The following BLNK variants were observed in gnomAD, a reference collection of about 807,000 sequenced individuals.
The protein encoded by BLNK is B-cell linker protein.
Under a neutral mutation model 73.5 loss-of-function variants are expected in BLNK, and 29 were observed. That is an observed-to-expected ratio of 0.39 (90% CI 0.29 to 0.54). The LOEUF is 0.54. Ranked by LOEUF, BLNK falls within the 20% of genes least tolerant of loss-of-function variation. The probability of loss-of-function intolerance (pLI) is 0.61; values close to 1 mark genes in which losing one functional copy is unlikely to be tolerated. For synonymous variants in BLNK, 176 were observed against 200.8 expected, an observed-to-expected ratio of 0.88 and a Z score of 1.04; for missense variants, 460 against 562.8, an observed-to-expected ratio of 0.82 and a Z score of 1.85.
At chr10:96,240,926 A>G (rs1018984495) in intron 3 of BLNK, among the ~76,000 whole-genome samples, 1 of 152,250 alleles carries the variant, frequency 6.6e-6, no homozygotes, top group East Asian at 1.9e-4. Context: ...TTGTTCTCAT[A>G]TAACTAGGAA....
In BLNK at chr10:96,200,330, A is replaced by G. The variant is rs1241445250; in HGVS notation, c.1012-172T>C. Among the ~76,000 whole-genome samples the G allele has an allele frequency of 1.3e-5, 2 of 152,118 alleles. No homozygotes were observed. On this transcript the variant is annotated intron_variant, in intron 14 of 16. Coordinates refer to ENST00000224337, the MANE Select transcript of BLNK (RefSeq NM_013314.4). The surrounding 1 kb of genome is among the most constrained non-coding windows in gnomAD (Gnocchi z 4.3). ...GATCAAACACAAGGATTATACCGTT[A>G]ACTTGTTTTTTGTATTTTTTTTTCA...
intron 1 of BLNK, among the ~76,000 whole-genome samples, chr10:96,248,862 T>C (rs2134098444): frequency 6.6e-6 from 1 of 152,384 alleles, no homozygotes; most frequent in Admixed American, 6.5e-5. Flanking sequence ...AAAAGGGGAT[T>C]ATTACTTTAT....
intron 16 of BLNK, among the ~76,000 whole-genome samples, chr10:96,194,810 G>A (rs1554894305): frequency 8.2e-6 from 1 of 122,214 alleles, no homozygotes; most frequent in African/African-American, 3.0e-5. Context: ...TCGCTCTGTC[G>A]CCCAGGCTGG....
chr10:96,269,205 G>C (rs1473648979), intron 1 of BLNK, among the ~76,000 whole-genome samples: 1 of 152,180 alleles, frequency 6.6e-6, no homozygotes, highest in African/African-American at 2.4e-5. Context: ...GATGAGTGTA[G>C]TGTATGATTA....
intron 1 of BLNK, among the ~76,000 whole-genome samples, chr10:96,253,821 T>C (rs543176815): frequency 2.6e-4 from 40 of 151,844 alleles, no homozygotes; most frequent in Middle Eastern, 3.4e-3. Flanking sequence ...CGAGACCATC[T>C]TGGCTAACAC....
intron 1 of BLNK, among the ~76,000 whole-genome samples, chr10:96,264,851 G>T (rs1009652606): frequency 1.3e-5 from 2 of 152,106 alleles, no homozygotes; most frequent in Non-Finnish European, 1.5e-5. Flanking sequence ...ACAAGCAAAC[G>T]CATTTCATCT....
intron 4 of BLNK, among the ~76,000 whole-genome samples, chr10:96,229,654 C>CTCTGTGTG (rs1554903568): frequency 2.1e-5 from 3 of 142,666 alleles, no homozygotes; most frequent in African/African-American, 7.9e-5. Flanking sequence ...TTACATGTGG[C>CTCTGTGTG]TGTGTGTGTG....
At chr10:96,240,306 G>A (rs983470990) in intron 3 of BLNK, among the ~76,000 whole-genome samples, 7 of 152,184 alleles carry the variant, frequency 4.6e-5, no homozygotes, top group African/African-American at 1.2e-4. Context: ...GAAAATGTGC[G>A]AAACAGCTGA....
chr10:96,229,070 T>G (rs782437673), intron 4 of BLNK, among the ~76,000 whole-genome samples: 2 of 152,236 alleles, frequency 1.3e-5, no homozygotes, highest in African/African-American at 4.8e-5. Context: ...CATTCATTTT[T>G]TGTGTGTGTT....
At chr10:96,271,228 T>C (rs1253304480) in intron 1 of BLNK, 124 bp downstream of exon 1, 1 of 1,104,588 alleles carries the variant, frequency 9.1e-7, no homozygotes, top group Non-Finnish European at 1.4e-6. Context: ...CACTTCCCTA[T>C]AGTAAGTGCC....
rs186231485 is a variant in BLNK, at chr10:96,263,532, T to G, written c.47+7820A>C. Among the ~76,000 whole-genome samples the G allele has an allele frequency of 1.6e-3, 247 of 151,994 alleles. 1 individual carries two copies. Among genetic ancestry groups the G allele is most frequent in the African/African-American group, 5.5e-3 (228 of 41,570 alleles). On this transcript the variant is annotated intron_variant, in intron 1 of 16. Coordinates refer to ENST00000224337, the MANE Select transcript of BLNK (RefSeq NM_013314.4). ...GAGGGAAATGGTCTGTTTGGAGGCC[T>G]AGACCACAGTGCTGCAAAAGGGTTG...
intron 2 of BLNK, among the ~76,000 whole-genome samples, chr10:96,244,976 A>G (rs1450495643): frequency 6.6e-6 from 1 of 152,152 alleles, no homozygotes; most frequent in Non-Finnish European, 1.5e-5. Context: ...AAAACTGGCA[A>G]TTAGAATTGC....
At chr10:96,223,484 CA>C (rs1564828965) in intron 6 of BLNK, among the ~76,000 whole-genome samples, 1 of 151,990 alleles carries the variant, frequency 6.6e-6, no homozygotes. Context: ...GATTTGCTGT[CA>C]GTAACAACAG....
chr10:96,258,783 G>A (rs1205498343), intron 1 of BLNK, among the ~76,000 whole-genome samples: 10 of 152,186 alleles, frequency 6.6e-5, no homozygotes, highest in African/African-American at 2.4e-4. Flanking sequence ...TACGTGCTAG[G>A]TACTTTGTGT....
intron 5 of BLNK, among the ~76,000 whole-genome samples, chr10:96,224,206 A>G (rs868913524): frequency 2.0e-4 from 31 of 152,216 alleles, no homozygotes; most frequent in African/African-American, 7.2e-4. Context: ...GTCCTCATTA[A>G]AAACATCCTT....
At chr10:96,205,988 G>A (rs2083793417) in intron 11 of BLNK, among the ~76,000 whole-genome samples, 1 of 152,134 alleles carries the variant, frequency 6.6e-6, no homozygotes, top group African/African-American at 2.4e-5. Context: ...TGGAAGTACA[G>A]AAAAGACAAA....
At chr10:96,268,584 C>T (rs530980730) in intron 1 of BLNK, among the ~76,000 whole-genome samples, 108 of 152,300 alleles carry the variant, frequency 7.1e-4, no homozygotes, top group African/African-American at 2.4e-3. Context: ...TATCTCTATT[C>T]TTATACAGCA....
At position 96,271,369 on chromosome 10, in the gene BLNK, G is replaced by A. The variant is rs539394141; in HGVS notation, c.30C>T (p.Pro10=). The change falls in exon 1 of 17, where the codon CCC becomes CCT. Residue 10 remains proline (P), a synonymous_variant. Transcript: ENST00000224337. MDKLNKITV[P]ASQKLRQLQK... The stretch of plus-strand genomic sequence containing the variant: ...AATCTTACCTCAACTTCTGACTGGC[G>A]GGGACGGTTATTTTATTAAGCTTGT... 2.2e-5 allele frequency: 36 copies of A among 1,614,112 alleles called. No individual in the cohort carries two copies. The highest frequency in any genetic ancestry group is 1.3e-4 in the Admixed American group (8 of 60,010).
chr10:96,235,831 T>G (rs1842669238), intron 3 of BLNK, among the ~76,000 whole-genome samples: 1 of 152,086 alleles, frequency 6.6e-6, no homozygotes, highest in Non-Finnish European at 1.5e-5. Flanking sequence ...GGCAGATGTG[T>G]GCAGAATGAA....
Sources: allele counts gnomAD v4.1 joint callset (sites outside exome capture counted in the v4.1 genomes callset), GRCh38; gene constraint gnomAD v4.1.1; non-coding constraint Gnocchi (gnomAD v3.1); transcripts MANE v1.5; gene names NCBI Gene and HGNC (gene_info 2026-07-23, HGNC 2026-07-21).